ANTXR1: variants seen among roughly 807,000 people sequenced by gnomAD.
ANTXR1 encodes ANTXR cell adhesion molecule 1.
In ANTXR1, 19 loss-of-function variants were observed where a neutral mutation model predicts 78.1. The ratio of observed to expected loss-of-function variants is 0.24; its 90% CI spans 0.17 to 0.36. The LOEUF (loss-of-function observed/expected upper bound fraction) is 0.36. Among genes scored for constraint, ANTXR1 ranks in the 10% least tolerant of loss-of-function variants. ANTXR1 has a pLI of 1.00. For missense variants in ANTXR1, 518 were observed against 718.6 expected, an observed-to-expected ratio of 0.72 and a Z score of 3.19; for synonymous variants, 273 against 260.5, an observed-to-expected ratio of 1.05 and a Z score of -0.46.
At chr2:69,157,403 G>T (rs1673556899) in intron 13 of ANTXR1, among the ~76,000 whole-genome samples, 2 of 152,074 alleles carry the variant, frequency 1.3e-5, no homozygotes, top group South Asian at 4.1e-4. Context: ...TGGCTCCAGA[G>T]GACCAGCCCA....
chr2:69,067,783 C>T (rs1301237751), intron 3 of ANTXR1, among the ~76,000 whole-genome samples: 1 of 152,214 alleles, frequency 6.6e-6, no homozygotes, highest in African/African-American at 2.4e-5. Context: ...GCAGAGCTGC[C>T]CCCTGCCTGG....
intron 9 of ANTXR1, 21 bp downstream of exon 9, chr2:69,090,940 A>T: frequency 6.2e-7 from 1 of 1,608,330 alleles, no homozygotes; most frequent in East Asian, 2.2e-5. Context: ...ATGAAATGCT[A>T]ATTGCTTTCA....
In ANTXR1 at chr2:69,077,231, T is replaced by C; in HGVS notation, c.562-177T>C. 3.0e-6 allele frequency: 2 copies of C among 658,554 alleles called. 1 individual carries two copies. The highest frequency in any genetic ancestry group is 3.5e-5 in the South Asian group (2 of 56,554). 40.8% of individuals were successfully genotyped at this position (658,554 alleles called of 1,614,324 possible). On this transcript the variant is annotated intron_variant, in intron 7 of 17. Transcript: ENST00000303714. Reference sequence around the variant, plus strand: ...CCTTGGCCTGCTCCAGAGAGGCCACTGGTGAGCTTGTTATTACTGATGGCT... The same window carrying C: ...CCTTGGCCTGCTCCAGAGAGGCCACCGGTGAGCTTGTTATTACTGATGGCT...
At chr2:69,201,629 C>T (rs965744736) in intron 17 of ANTXR1, among the ~76,000 whole-genome samples, 1 of 152,186 alleles carries the variant, frequency 6.6e-6, no homozygotes, top group Non-Finnish European at 1.5e-5. Context: ...GCAAGGAAGA[C>T]AGCTTGGATT....
intron 12 of ANTXR1, among the ~76,000 whole-genome samples, chr2:69,129,646 G>A (rs1416170635): frequency 7.9e-5 from 12 of 152,008 alleles, no homozygotes; most frequent in Non-Finnish European, 1.5e-5. Context: ...AGCTACTCAG[G>A]AGGCTGAGGC....
intron 12 of ANTXR1, among the ~76,000 whole-genome samples, chr2:69,143,329 G>C (rs1266608693): frequency 6.6e-6 from 1 of 152,170 alleles, no homozygotes; most frequent in Non-Finnish European, 1.5e-5. Context: ...GTCATATTGG[G>C]GAAGGAAGAG....
chr2:69,093,473 T>C (rs1301287821), intron 9 of ANTXR1, among the ~76,000 whole-genome samples: 1 of 151,998 alleles, frequency 6.6e-6, no homozygotes, highest in South Asian at 2.1e-4. Context: ...TTCAAGACAA[T>C]AAAAACACCA....
chr2:69,178,878 A>G (rs1426312789), intron 14 of ANTXR1, among the ~76,000 whole-genome samples: 1 of 152,220 alleles, frequency 6.6e-6, no homozygotes, highest in East Asian at 1.9e-4. Context: ...CTCCTAAAAA[A>G]TTAAGAGGCT....
At chr2:69,100,608 A>AGTCTTCTCT (rs1232474817) in intron 9 of ANTXR1, among the ~76,000 whole-genome samples, 1 of 152,220 alleles carries the variant, frequency 6.6e-6, no homozygotes, top group Admixed American at 6.5e-5. Context: ...GCATTTCCAC[A>AGTCTTCTCT]GTCTTCTCTT....
intron 16 of ANTXR1, among the ~76,000 whole-genome samples, chr2:69,187,570 A>G (rs956959280): frequency 2.3e-5 from 3 of 131,878 alleles, no homozygotes; most frequent in African/African-American, 9.0e-5. Context: ...GGGTCACACT[A>G]TTTATCATGT....
chr2:69,097,030 T>G (rs1197949258), intron 9 of ANTXR1, among the ~76,000 whole-genome samples: 1 of 152,246 alleles, frequency 6.6e-6, no homozygotes, highest in Admixed American at 6.5e-5. Context: ...CTGCTCCCAA[T>G]ATAGACTCTT....
At position 69,180,037 on chromosome 2, in the gene ANTXR1, C is replaced by CTCTG. The variant is rs537302010; in HGVS notation, c.1090-1746_1090-1743dup. ...TGTACGTCCTAGTCTGCTGTGACCTCTCTGTCCTTTAAGATGTATTAAATT... is the reference window on the plus strand; with the variant it reads ...TGTACGTCCTAGTCTGCTGTGACCTCTCTGTCTGTCCTTTAAGATGTATTAAATT... On this transcript the variant is annotated intron_variant, in intron 14 of 17. Coordinates refer to ENST00000303714, the MANE Select transcript of ANTXR1 (RefSeq NM_032208.3). 6.1e-3 allele frequency among the ~76,000 whole-genome samples: 930 copies of CTCTG among 152,274 alleles called. 9 individuals are homozygous for CTCTG. The highest frequency in any genetic ancestry group is 0.021 in the African/African-American group (883 of 41,550).
chr2:69,172,366 G>A (rs1322746496), intron 14 of ANTXR1: 1 of 1,611,786 alleles, frequency 6.2e-7, no homozygotes. Context: ...TATTTTGGCA[G>A]GAAAATAAAA....
intron 5 of ANTXR1, 136 bp from the exon 6 acceptor site, chr2:69,072,886 C>G: frequency 1.1e-6 from 1 of 885,238 alleles, no homozygotes; most frequent in Non-Finnish European, 1.9e-6. Context: ...GCTTCCAGGC[C>G]CAAAAGAAAA....
At chr2:69,033,443 T>C (rs1671588148) in intron 1 of ANTXR1, among the ~76,000 whole-genome samples, 1 of 152,224 alleles carries the variant, frequency 6.6e-6, no homozygotes, top group Non-Finnish European at 1.5e-5. Context: ...GGGTCTAATA[T>C]GCAAAGAGTA....
At chr2:69,216,458 CAT>C (rs1172257325) in intron 17 of ANTXR1, among the ~76,000 whole-genome samples, 5 of 152,038 alleles carry the variant, frequency 3.3e-5, no homozygotes, top group South Asian at 2.1e-4. Context: ...TATATACACA[CAT>C]ATATACATGC....
At position 69,017,105 on chromosome 2, in the gene ANTXR1, C is replaced by A. The variant is rs183438044; in HGVS notation, c.152+3454C>A. 4.6e-5 allele frequency among the ~76,000 whole-genome samples: 7 copies of A among 152,256 alleles called. No individual in the cohort carries two copies. In the East Asian group the frequency reaches 1.4e-3, roughly 29 times the overall value. On this transcript the variant is annotated intron_variant, in intron 1 of 17. Coordinates refer to ENST00000303714, the MANE Select transcript of ANTXR1 (RefSeq NM_032208.3). ...ATGAAAAACTTGCTAGAACTTGGTG[C>A]GGTAGTGCACACTCCACCAGCTTAC...
chr2:69,086,641 G>T (rs4854545), intron 8 of ANTXR1, among the ~76,000 whole-genome samples: 150,741 of 152,390 alleles, frequency 0.99, 74,553 homozygotes, highest in East Asian at 1. Context: ...AGAAGGCCAG[G>T]GGTGGGCGAT....
chr2:69,233,775 CAAT>C (rs1675684161), intron 17 of ANTXR1, among the ~76,000 whole-genome samples: 1 of 151,302 alleles, frequency 6.6e-6, no homozygotes, highest in Admixed American at 6.6e-5. Context: ...CTAATCAATG[CAAT>C]AAAACAAGAA....
Sources: allele counts gnomAD v4.1 joint callset (sites outside exome capture counted in the v4.1 genomes callset), GRCh38; gene constraint gnomAD v4.1.1; transcripts MANE v1.5; gene names NCBI Gene and HGNC (gene_info 2026-07-23, HGNC 2026-07-21).